PCNX1: variants seen among roughly 807,000 people sequenced by gnomAD.
PCNX1 encodes the protein pecanex-like protein 1.
A neutral mutation model predicts 242.2 loss-of-function variants in PCNX1; 78 were observed. The ratio of observed to expected loss-of-function variants is 0.32; its 90% confidence interval spans 0.27 to 0.39. The LOEUF (loss-of-function observed/expected upper bound fraction) is 0.39, where lower values mean the gene tolerates loss of function less well. Ranked by LOEUF, PCNX1 falls within the 10% of genes least tolerant of loss-of-function variation. The pLI is 1.00. For missense variants in PCNX1, 2,581 were observed against 2,856.5 expected (o/e 0.90, Z 2.20); for synonymous variants, 1,024 against 1,032.9 (o/e 0.99, Z 0.17).
At chr14:71,019,485 G>T (rs1271621013) in intron 12 of PCNX1, among the ~76,000 whole-genome samples, 6 of 152,086 alleles carry the variant, frequency 3.9e-5, no homozygotes, top group Non-Finnish European at 8.8e-5. Flanking sequence ...CACTGCAACC[G>T]TCGCCTCCCA....
intron 1 of PCNX1, among the ~76,000 whole-genome samples, chr14:70,908,814 C>G (rs2055695634): frequency 6.6e-6 from 1 of 152,158 alleles, no homozygotes; most frequent in Non-Finnish European, 1.5e-5. Flanking sequence ...AGAGTACTGC[C>G]TGTTGCTGAA....
chr14:70,910,827 A>G (rs1175461030), intron 1 of PCNX1, among the ~76,000 whole-genome samples: 2 of 152,214 alleles, frequency 1.3e-5, no homozygotes, highest in African/African-American at 4.8e-5. Flanking sequence ...TGAATGATTG[A>G]GAAGTGCACA....
At chr14:70,913,473 C>T (rs1366519721) in intron 1 of PCNX1, among the ~76,000 whole-genome samples, 3 of 152,138 alleles carry the variant, frequency 2.0e-5, no homozygotes, top group African/African-American at 4.8e-5. Context: ...TTTGTGCATA[C>T]AGCTGTGTGG....
intron 2 of PCNX1, among the ~76,000 whole-genome samples, chr14:70,953,056 C>T (rs2057849458): frequency 6.6e-6 from 1 of 152,084 alleles, no homozygotes; most frequent in African/African-American, 2.4e-5. Flanking sequence ...CAGCTTGAAG[C>T]CAGGAGTTCC....
At chr14:70,950,031 C>T (rs898510254) in intron 2 of PCNX1, among the ~76,000 whole-genome samples, 1 of 152,146 alleles carries the variant, frequency 6.6e-6, no homozygotes, top group African/African-American at 2.4e-5. Context: ...AGTGGGCACT[C>T]CTCTCTTAAG....
At chr14:71,090,375 C>G (rs576253253) in intron 30 of PCNX1, among the ~76,000 whole-genome samples, 2 of 152,240 alleles carry the variant, frequency 1.3e-5, no homozygotes, top group East Asian at 1.9e-4. Flanking sequence ...CTGCAGTGCT[C>G]AAATCTAATT....
intron 30 of PCNX1, among the ~76,000 whole-genome samples, chr14:71,094,412 A>G (rs901545843): frequency 6.6e-6 from 1 of 152,228 alleles, no homozygotes; most frequent in Non-Finnish European, 1.5e-5. Context: ...TACACTTAAA[A>G]TGGGTGCATT....
At chr14:71,088,463 G>C (rs755864676) in intron 29 of PCNX1, 33 bp downstream of exon 29, 1 of 1,264,110 alleles carries the variant, frequency 7.9e-7, no homozygotes, top group African/African-American at 1.5e-5. Context: ...GAGGAAGAGA[G>C]CATGGGAAGC....
Position 71,005,301 on chromosome 14 carries a change from C to T in PCNX1, c.2630-4333C>T, listed in dbSNP as rs539664003. ...GAGGTATCACTTAGGCCCAGGAATT[C>T]GAGACCAGCCTGGGCAGCATAGCAA... On this transcript the variant is annotated intron_variant, in intron 8 of 35. Coordinates refer to ENST00000304743, the MANE Select transcript of PCNX1 (RefSeq NM_014982.3). 7.2e-5 allele frequency among the ~76,000 whole-genome samples: 11 copies of T among 152,128 alleles called. 1 individual carries two copies. In the South Asian group the frequency reaches 2.3e-3, roughly 32 times the overall value.
chr14:70,999,852 G>T (rs1354450668), intron 8 of PCNX1, among the ~76,000 whole-genome samples: 1 of 152,096 alleles, frequency 6.6e-6, no homozygotes, highest in African/African-American at 2.4e-5. Flanking sequence ...GTTAGTCTTG[G>T]TGTTTTAAAA....
intron 9 of PCNX1, among the ~76,000 whole-genome samples, chr14:71,010,346 A>G (rs541508233): frequency 2.0e-5 from 3 of 152,010 alleles, no homozygotes; most frequent in Non-Finnish European, 4.4e-5. Context: ...GTTCAAACCT[A>G]TTGGTTCTCT....
At position 71,064,131 on chromosome 14, in the gene PCNX1, G is replaced by C. The variant is rs146861329; in HGVS notation, c.4852+6407G>C. 2.3e-3 allele frequency among the ~76,000 whole-genome samples: 346 copies of C among 152,108 alleles called. 2 individuals carry two copies. The highest frequency in any genetic ancestry group is 4.1e-3 in the Non-Finnish European group (279 of 67,968). On this transcript the variant is annotated intron_variant, in intron 26 of 35. Coordinates refer to ENST00000304743, the MANE Select transcript of PCNX1 (RefSeq NM_014982.3). Reference sequence around the variant, plus strand: ...TTATCAGTAATATTCACTATGAAGTGACTGGAAGATTTAGGTAATCCAGGG... The same window carrying C: ...TTATCAGTAATATTCACTATGAAGTCACTGGAAGATTTAGGTAATCCAGGG...
At chr14:70,970,740 C>A (rs1019881827) in intron 5 of PCNX1, among the ~76,000 whole-genome samples, 10 of 152,224 alleles carry the variant, frequency 6.6e-5, no homozygotes, top group Non-Finnish European at 1.2e-4. Context: ...TGCTACTCAG[C>A]TACTCAACTC....
chr14:71,110,897 A>T lies in PCNX1; in HGVS notation c.*962A>T, dbSNP rs1207542275. 6.6e-6 allele frequency: 1 copy of T among 152,632 alleles called. No homozygotes were observed. The highest frequency in any genetic ancestry group is 1.5e-5 in the Non-Finnish European group (1 of 68,034). The allele number at this position is 152,632 out of a possible 1,614,324, so 9.5% of individuals were successfully genotyped here. On this transcript the variant is annotated 3_prime_UTR_variant, in exon 36 of 36. Transcript: ENST00000304743. ...ACAATTTTCTTTAAGAAGAAGATGAATGTCCAGGAATTTAAAGAAAGGATC... is the reference window on the plus strand; with the variant it reads ...ACAATTTTCTTTAAGAAGAAGATGATTGTCCAGGAATTTAAAGAAAGGATC...
rs1010592594 is a variant in PCNX1 at position 71,019,263 on chromosome 14, G to A, written c.3150+101G>A. The A allele has an allele frequency of 5.4e-6, 5 of 926,542 alleles. No individual in the cohort carries two copies. The African/African-American group carries it at 8.5e-5, about 16-fold the overall frequency. 57.4% of individuals were successfully genotyped at this position (926,542 alleles called of 1,614,324 possible). ...AATTATAGTAAGATAATTATTTTTA[G>A]GCTTACTTTTCTTGCATGTTTACAT... is the stretch of plus-strand genomic sequence containing the variant. On this transcript the variant is annotated intron_variant, in intron 12 of 35. Coordinates refer to ENST00000304743, the MANE Select transcript of PCNX1 (RefSeq NM_014982.3).
chr14:71,075,231 T>TTC (rs1210424068), intron 27 of PCNX1, among the ~76,000 whole-genome samples: 1 of 152,042 alleles, frequency 6.6e-6, no homozygotes, highest in Admixed American at 6.6e-5. Context: ...GCTCAAGCAG[T>TTC]TCTCCCACAC....
At chr14:71,098,545 T>TGAGAGAGA (rs1337446355) in intron 30 of PCNX1, among the ~76,000 whole-genome samples, 1 of 98,108 alleles carries the variant, frequency 1.0e-5, no homozygotes, top group Non-Finnish European at 2.2e-5. Flanking sequence ...TGTGTGTGTG[T>TGAGAGAGA]GTGTGTGTGA....
At chr14:71,057,431 T>A (rs546897136) in intron 25 of PCNX1, 78 bp from the exon 26 acceptor site, 41 of 890,374 alleles carry the variant, frequency 4.6e-5, no homozygotes, top group Middle Eastern at 3.0e-4. Context: ...TACTAGAAGT[T>A]TTTAATATTT....
rs140067086 is a variant in PCNX1, at chr14:70,977,860, G to A, written c.1523G>A (p.Gly508Glu). 42 of 1,614,092 alleles carry A rather than the reference G, an allele frequency of 2.6e-5. No individual in the cohort carries two copies. The East Asian group carries it at 7.8e-4, about 30-fold the overall frequency. Residue 508 changes from glycine to glutamate, a missense_variant, in exon 6 of 36, where the codon GGG (glycine) becomes GAG (glutamate). By Grantham distance (98) the Gly-to-Glu change is moderately conservative (BLOSUM62 -2). Transcript: ENST00000304743. ...ACTTCCCAAGGGGACAGACCACCTG[G>A]GAACACTGCAGAAAACAAAGAAGAG... ...EFTSQGDRPP[G>E]NTAENKEEKS...
Sources: allele counts gnomAD v4.1 joint callset (sites outside exome capture counted in the v4.1 genomes callset), GRCh38; gene constraint gnomAD v4.1.1; transcripts MANE v1.5; gene names NCBI Gene and HGNC (gene_info 2026-07-23, HGNC 2026-07-21).